RYK: variants seen among roughly 807,000 people sequenced by gnomAD.
The protein encoded by RYK is inactive tyrosine-protein kinase RYK.
In RYK, 21 loss-of-function variants were observed where a neutral mutation model predicts 70.2. That is an observed-to-expected ratio of 0.30 (90% confidence interval 0.21 to 0.43). The LOEUF (loss-of-function observed/expected upper bound fraction) is 0.43, where lower values mean the gene tolerates loss of function less well. RYK is among the 20% of genes least tolerant of loss of function. RYK has a pLI of 1.00. For synonymous variants in RYK, 267 were observed against 278.0 expected (o/e 0.96, Z 0.39); for missense variants, 604 against 753.3 (o/e 0.80, Z 2.32).
chr3:134,250,747 G>A lies in RYK; in HGVS notation c.-93C>T, dbSNP rs2015599997. On this transcript the variant is annotated 5_prime_UTR_variant, in exon 1 of 15. Coordinates refer to ENST00000623711, the MANE Select transcript of RYK (RefSeq NM_002958.4). ...GAGCCGCTCACAGCCCCGAGCCGGG[G>A]GCGGCTGCCCAGCTCATCGCACCGC... The A allele has an allele frequency of 1.7e-6, 1 of 593,962 alleles. No individual in the cohort carries two copies. 36.8% of individuals were successfully genotyped at this position (593,962 alleles called of 1,614,324 possible).
intron 3 of RYK, 111 bp from the exon 4 acceptor site, chr3:134,209,940 C>T (rs2014336342): frequency 1.2e-6 from 1 of 855,948 alleles, no homozygotes; most frequent in South Asian, 1.9e-5. Context: ...TGCAAGAAAA[C>T]TAAAAGTAAT....
Position 134,209,810 on chromosome 3 carries a change from GGAA to G in RYK, c.471_473del (p.Ser158del). 6.7e-7 allele frequency: 1 copy of G among 1,502,752 alleles called. No individual in the cohort carries two copies. Among genetic ancestry groups the G allele is most frequent in the Non-Finnish European group, 8.9e-7 (1 of 1,129,902 alleles). 93.1% of individuals were successfully genotyped at this position (1,502,752 alleles called of 1,614,324 possible). On this transcript the variant is annotated inframe_deletion, in exon 4 of 15. Coordinates refer to ENST00000623711, the MANE Select transcript of RYK (RefSeq NM_002958.4). ...CTTCAGAATCTACTTTGCCAGTACA[GGAA>G]AGCTCTACCCGAAACACTGTTTAAA... is the stretch of plus-strand genomic sequence containing the variant.
At chr3:134,201,692 T>G (rs1269523289) in intron 6 of RYK, among the ~76,000 whole-genome samples, 1 of 152,148 alleles carries the variant, frequency 6.6e-6, no homozygotes, top group Non-Finnish European at 1.5e-5. Context: ...ACAAAAGTCC[T>G]GAAGGGCAAA....
Position 134,189,469 on chromosome 3 carries a change from T to TA in RYK, c.1016-547dup, listed in dbSNP as rs1244703655. 8.6e-5 allele frequency among the ~76,000 whole-genome samples: 13 copies of TA among 151,926 alleles called. 1 individual carries two copies. The highest frequency in any genetic ancestry group is 7.2e-4 in the Admixed American group (11 of 15,246). ...GGTAAAATGTGTTCCTAAAAACTCTTAGAGTGAGAAGAGGCTGCGCGCGGC... is the reference window on the plus strand; with the variant it reads ...GGTAAAATGTGTTCCTAAAAACTCTTAAGAGTGAGAAGAGGCTGCGCGCGGC... On this transcript the variant is annotated intron_variant, in intron 8 of 14. Transcript: ENST00000623711.
chr3:134,168,511 T>C (rs1357340181), intron 13 of RYK, among the ~76,000 whole-genome samples: 1 of 151,310 alleles, frequency 6.6e-6, no homozygotes, highest in Non-Finnish European at 1.5e-5. Flanking sequence ...CTCAGCAAAC[T>C]ATCGCAAGGA....
chr3:134,199,092 AG>A (rs1378066978), intron 6 of RYK, among the ~76,000 whole-genome samples: 24 of 152,234 alleles, frequency 1.6e-4, no homozygotes, highest in African/African-American at 4.8e-4. Flanking sequence ...CTGCCTATCC[AG>A]GACAGACTCA....
chr3:134,178,104 C>A (rs755221666), intron 10 of RYK, 31 bp from the exon 11 acceptor site: 4 of 1,466,888 alleles, frequency 2.7e-6, no homozygotes, highest in African/African-American at 1.5e-5. Context: ...GGGAGAAAGA[C>A]AAAGGAATCC....
chr3:134,238,047 G>C (rs1020512122), intron 1 of RYK, among the ~76,000 whole-genome samples: 3 of 152,136 alleles, frequency 2.0e-5, no homozygotes, highest in Non-Finnish European at 2.9e-5. Context: ...AAAGTAACAA[G>C]CTGAAATCGA....
At chr3:134,182,155 CAAA>C (rs201391893) in intron 10 of RYK, among the ~76,000 whole-genome samples, 1 of 101,758 alleles carries the variant, frequency 9.8e-6, no homozygotes. Flanking sequence ...ACTCTGTCTC[CAAA>C]AAAAAAAAAA....
rs1490509775 is a variant in RYK at position 134,202,882 on chromosome 3, A to G, written c.644-8T>C. On this transcript the variant is annotated splice_region_variant and splice_polypyrimidine_tract_variant and intron_variant, in intron 5 of 14. Coordinates refer to ENST00000623711, the MANE Select transcript of RYK (RefSeq NM_002958.4). ...CTGCATGTACAGGATCATCTGAAAT[A>G]AAAACAAAAAGCACATTTAGCTTTT... is the stretch of plus-strand genomic sequence containing the variant. The G allele has an allele frequency of 6.2e-7, 1 of 1,607,954 alleles. No individual in the cohort carries two copies. The highest frequency in any genetic ancestry group is 8.5e-7 in the Non-Finnish European group (1 of 1,178,158).
At position 134,209,767 on chromosome 3, in the gene RYK, G is replaced by T; in HGVS notation, c.517C>A (p.Leu173Ile). The T allele has an allele frequency of 6.6e-7, 1 of 1,512,708 alleles. No homozygotes were observed. Among genetic ancestry groups the T allele is most frequent in the Non-Finnish European group, 8.9e-7 (1 of 1,129,494 alleles). The allele number at this position is 1,512,708 out of a possible 1,614,324, so 93.7% of individuals were successfully genotyped here. Residue 173 changes from leucine to isoleucine, a missense_variant, in exon 4 of 15, where the codon CTC becomes ATC. By Grantham distance (5) the Leu-to-Ile change is conservative (BLOSUM62 2). Around this residue, in one of 2 missense-constraint regions of RYK, gnomAD observed 466 missense variants for 535.9 expected, o/e 0.87. Coordinates refer to ENST00000623711, the MANE Select transcript of RYK (RefSeq NM_002958.4). Reference protein sequence around the residue: ...VDSEVMILMQLNLTVNSSKNF... With the variant: ...VDSEVMILMQINLTVNSSKNF... ...TTTGAAGAATTTACTGTCAAGTTGA[G>T]CTGCATTAGTATCATAACTTCAGAA...
chr3:134,241,994 T>A (rs1366602692), intron 1 of RYK, among the ~76,000 whole-genome samples: 1 of 152,126 alleles, frequency 6.6e-6, no homozygotes, highest in Non-Finnish European at 1.5e-5. Flanking sequence ...TATTCCAGCT[T>A]AAAATTTATA....
intron 13 of RYK, among the ~76,000 whole-genome samples, chr3:134,162,516 A>G (rs551047374): frequency 2.6e-5 from 4 of 152,150 alleles, no homozygotes; most frequent in South Asian, 4.1e-4. Flanking sequence ...AAATCTCCAC[A>G]GAGTCTTGGA....
At chr3:134,246,303 T>TACACACACACAC (rs71139521) in intron 1 of RYK, among the ~76,000 whole-genome samples, 1 of 89,198 alleles carries the variant, frequency 1.1e-5, no homozygotes, top group Non-Finnish European at 2.3e-5. Context: ...CAGAAAGAAA[T>TACACACACACAC]ACACACACAC....
At position 134,209,521 on chromosome 3, in the gene RYK, T is replaced by C. The variant is rs566101722; in HGVS notation, c.589+174A>G. Among the ~76,000 whole-genome samples, 4 of 152,330 alleles carry C rather than the reference T, an allele frequency of 2.6e-5. No homozygotes were observed. In the South Asian group the frequency reaches 8.3e-4, roughly 32 times the overall value. ...TGGACTGAATGAGGCCTGAGTGAGA[T>C]TCTTGGCTACCAACCATCTGGGATT... is the stretch of plus-strand genomic sequence containing the variant. On this transcript the variant is annotated intron_variant, in intron 4 of 14. Coordinates refer to ENST00000623711, the MANE Select transcript of RYK (RefSeq NM_002958.4).
At chr3:134,161,782 A>G (rs2012478763) in intron 13 of RYK, among the ~76,000 whole-genome samples, 1 of 151,222 alleles carries the variant, frequency 6.6e-6, no homozygotes, top group Non-Finnish European at 1.5e-5. Flanking sequence ...CTTTCCACAA[A>G]GAAAACTCAA....
chr3:134,200,161 G>A (rs570437071), intron 6 of RYK, among the ~76,000 whole-genome samples: 6 of 152,020 alleles, frequency 3.9e-5, no homozygotes, highest in South Asian at 2.1e-4. Context: ...CCCCTTCCAC[G>A]CTGTGGAAGC....
In RYK at chr3:134,203,827, G is replaced by A. The variant is rs187035878; in HGVS notation, c.644-953C>T. 1.3e-4 allele frequency among the ~76,000 whole-genome samples: 20 copies of A among 152,208 alleles called. No homozygotes were observed. In the Middle Eastern group the frequency reaches 0.01, roughly 78 times the overall value. On this transcript the variant is annotated intron_variant, in intron 5 of 14. Transcript: ENST00000623711. ...AATACAGTAGCCACTGGTCACCTGT[G>A]GCTATTAAGCATTCAAATATAAGTA...
intron 11 of RYK, among the ~76,000 whole-genome samples, 160 bp downstream of exon 11, chr3:134,177,781 T>G (rs2013157673): frequency 6.6e-6 from 1 of 152,212 alleles, no homozygotes; most frequent in Admixed American, 6.5e-5. Flanking sequence ...AGCCAACATT[T>G]TCCTTTAAGC....
Sources: allele counts gnomAD v4.1 joint callset (sites outside exome capture counted in the v4.1 genomes callset), GRCh38; gene constraint gnomAD v4.1.1; regional missense constraint gnomAD v4.1.1; transcripts MANE v1.5; gene names NCBI Gene and HGNC (gene_info 2026-07-23, HGNC 2026-07-21).